The following GPM6A variants were observed in gnomAD, a reference collection of about 807,000 sequenced individuals.
GPM6A encodes neuronal membrane glycoprotein M6-a.
GPM6A carries 7 observed loss-of-function variants against 32.1 expected under a neutral mutation model. The ratio of observed to expected loss-of-function variants is 0.22; its 90% CI spans 0.12 to 0.41. The LOEUF is 0.41. Ranked by LOEUF, GPM6A falls within the 10% of genes least tolerant of loss-of-function variation. The pLI is 1.00. For missense variants in GPM6A, 235 were observed against 347.2 expected (o/e 0.68, Z 2.57); for synonymous variants, 130 against 123.4 (o/e 1.05, Z -0.35).
intron 1 of GPM6A, among the ~76,000 whole-genome samples, chr4:175,796,961 T>A (rs551457940): frequency 1.1e-4 from 17 of 148,466 alleles, no homozygotes; most frequent in Non-Finnish European, 1.9e-4. Context: ...TTTTTTTTTC[T>A]GTGTGTTAAT....
At chr4:175,888,525 T>A (rs1289822124) in intron 1 of GPM6A, among the ~76,000 whole-genome samples, 1 of 152,096 alleles carries the variant, frequency 6.6e-6, no homozygotes, top group Non-Finnish European at 1.5e-5. Flanking sequence ...ACACACATTA[T>A]ACATTAGCAA....
chr4:175,827,179 C>T (rs146647569), intron 1 of GPM6A, among the ~76,000 whole-genome samples: 3 of 152,178 alleles, frequency 2.0e-5, no homozygotes, highest in Admixed American at 6.5e-5. Context: ...AAATGCTATA[C>T]AAAAATGATG....
intron 1 of GPM6A, among the ~76,000 whole-genome samples, chr4:175,981,139 T>C (rs910396622): frequency 1.3e-4 from 20 of 152,124 alleles, no homozygotes; most frequent in African/African-American, 4.6e-4. Flanking sequence ...GGGGAAATAG[T>C]TTTTATTTTA....
chr4:175,790,039 C>T (rs915718879), intron 1 of GPM6A, among the ~76,000 whole-genome samples: 6 of 152,120 alleles, frequency 3.9e-5, no homozygotes, highest in South Asian at 2.1e-4. Context: ...AAATCAAAAC[C>T]GTATTTCGTA....
intron 1 of GPM6A, among the ~76,000 whole-genome samples, chr4:175,943,682 G>C (rs964516139): frequency 6.6e-6 from 1 of 152,080 alleles, no homozygotes; most frequent in African/African-American, 2.4e-5. Context: ...TGGATGATGT[G>C]TATTGATTTG....
intron 3 of GPM6A, among the ~76,000 whole-genome samples, chr4:175,661,004 A>C (rs1742377466): frequency 6.6e-6 from 1 of 152,204 alleles, no homozygotes; most frequent in African/African-American, 2.4e-5. Flanking sequence ...AAAAATTAAG[A>C]TATCAGATTT....
chr4:175,808,588 T>A (rs1734792269), intron 1 of GPM6A: 1 of 152,200 alleles, frequency 6.6e-6, no homozygotes, highest in African/African-American at 2.4e-5. Flanking sequence ...ACTGGTCATT[T>A]GATCACATTC....
At chr4:175,908,414 T>G (rs903318340) in intron 1 of GPM6A, among the ~76,000 whole-genome samples, 2 of 152,172 alleles carry the variant, frequency 1.3e-5, no homozygotes, top group African/African-American at 4.8e-5. Context: ...ATTAGAAGAC[T>G]GCCAATATCC....
Position 175,649,652 on chromosome 4 carries a change from C to T in GPM6A, c.541+2182G>A, listed in dbSNP as rs1021653689. ...ATAAACCATCACATACAAGAGAATC[C>T]GACCCTCATGTTTTCCTGTGGTAAC... On this transcript the variant is annotated intron_variant, in intron 4 of 6. Transcript: ENST00000393658. Among the ~76,000 whole-genome samples the T allele has an allele frequency of 7.2e-5, 11 of 152,246 alleles. No individual in the cohort carries two copies. The East Asian group carries it at 1.7e-3, about 24-fold the overall frequency.
chr4:175,969,567 T>C (rs1196437667), intron 1 of GPM6A, among the ~76,000 whole-genome samples: 1 of 151,916 alleles, frequency 6.6e-6, no homozygotes, highest in Non-Finnish European at 1.5e-5. Flanking sequence ...AAAAATTATC[T>C]GGGCGTGGTG....
Position 175,754,679 on chromosome 4 carries a change from C to T in GPM6A, c.38-52912G>A, listed in dbSNP as rs551906646. Among the ~76,000 whole-genome samples, 77 of 152,236 alleles carry T rather than the reference C, an allele frequency of 5.1e-4. 1 individual carries two copies. Among genetic ancestry groups the T allele is most frequent in the Middle Eastern group, 3.4e-3 (1 of 294 alleles). Reference sequence around the variant, plus strand: ...GTAAAGGAGGAATGATAGCCAAGGCCAGTATCTAGAAGTACATTCACATTT... The same window carrying T: ...GTAAAGGAGGAATGATAGCCAAGGCTAGTATCTAGAAGTACATTCACATTT... On this transcript the variant is annotated intron_variant, in intron 1 of 6. Coordinates refer to ENST00000393658, the MANE Select transcript of GPM6A (RefSeq NM_201591.3).
intron 1 of GPM6A, among the ~76,000 whole-genome samples, chr4:175,996,756 C>T (rs1741319486): frequency 6.6e-6 from 1 of 152,122 alleles, no homozygotes; most frequent in Non-Finnish European, 1.5e-5. Flanking sequence ...TTTCTCAGGA[C>T]TTGTGCTGAG....
At chr4:176,002,336 A>T, upstream of GPM6A, 2 of 1,586,982 alleles carry the variant, frequency 1.3e-6, no homozygotes, top group Non-Finnish European at 8.6e-7. Flanking sequence ...GCTTCTCTGC[A>T]GTCCCCAGAG....
rs1737756086 is a variant in GPM6A at position 175,895,058 on chromosome 4, G to T, written c.-22-82809C>A. ...CTTTGTGTTTCAGGGGACCCAGAAT[G>T]CGATAGAGTGAGAAACCATGAATCA... On this transcript the variant is annotated intron_variant, in intron 1 of 7. Coordinates refer to the GPM6A transcript ENST00000280187. 2.6e-5 allele frequency among the ~76,000 whole-genome samples: 4 copies of T among 152,114 alleles called. No individual in the cohort carries two copies. In the South Asian group the frequency reaches 8.3e-4, roughly 31 times the overall value.
intron 3 of GPM6A, among the ~76,000 whole-genome samples, chr4:175,665,614 T>C (rs1742707194): frequency 6.6e-6 from 1 of 151,764 alleles, no homozygotes; most frequent in Non-Finnish European, 1.5e-5. Flanking sequence ...TGAAAACCTA[T>C]GTCTACCAAA....
chr4:175,659,206 T>G (rs536617851), intron 3 of GPM6A, among the ~76,000 whole-genome samples: 10 of 151,802 alleles, frequency 6.6e-5, no homozygotes, highest in African/African-American at 2.4e-4. Flanking sequence ...CCTCAGCCTC[T>G]AGAGTAGCTG....
intron 1 of GPM6A, among the ~76,000 whole-genome samples, chr4:175,721,039 AT>A (rs55887422): frequency 0.49 from 65,741 of 134,816 alleles, 15,752 homozygotes; most frequent in Non-Finnish European, 0.56. Context: ...GTACATATAT[AT>A]TATATATATA....
At chr4:176,001,368 C>G (rs1053488511) in intron 1 of GPM6A, among the ~76,000 whole-genome samples, 1 of 152,194 alleles carries the variant, frequency 6.6e-6, no homozygotes, top group East Asian at 1.9e-4. Context: ...AGAGCAGCAT[C>G]TCCCCTGCGC....
chr4:175,953,381 T>A (rs1200833913), intron 1 of GPM6A, among the ~76,000 whole-genome samples: 1 of 152,204 alleles, frequency 6.6e-6, no homozygotes, highest in African/African-American at 2.4e-5. Context: ...TTTGCAGACC[T>A]AAACTGTATC....
Sources: allele counts gnomAD v4.1 joint callset (sites outside exome capture counted in the v4.1 genomes callset), GRCh38; gene constraint gnomAD v4.1.1; transcripts MANE v1.5; gene names NCBI Gene and HGNC (gene_info 2026-07-23, HGNC 2026-07-21).